VPS13C: variants seen among roughly 807,000 people sequenced by gnomAD.
VPS13C encodes vacuolar protein sorting 13 homolog C.
Under a neutral mutation model 456.8 loss-of-function variants are expected in VPS13C, and 358 were observed. That is an observed-to-expected ratio of 0.78 (90% CI 0.72 to 0.86). VPS13C has a LOEUF of 0.86. Ranked by LOEUF, VPS13C falls within the 40% of genes least tolerant of loss-of-function variation. The probability of loss-of-function intolerance (pLI) is 0.00; values close to 1 mark genes in which losing one functional copy is unlikely to be tolerated. For synonymous variants in VPS13C, 1,578 were observed against 1,486.7 expected (o/e 1.06, Z -1.41); for missense variants, 4,818 against 4,385.4 (o/e 1.10, Z -2.79).
chr15:61,927,482 T>C (rs1191800750), intron 51 of VPS13C, 162 bp from the exon 52 acceptor site: 1 of 602,436 alleles, frequency 1.7e-6, no homozygotes, highest in Non-Finnish European at 2.9e-6. Context: ...ATTAAATGAT[T>C]ATTAACAAAT....
chr15:61,860,153 T>A (rs1894141812), intron 82 of VPS13C, among the ~76,000 whole-genome samples: 1 of 151,974 alleles, frequency 6.6e-6, no homozygotes, highest in Non-Finnish European at 1.5e-5. Flanking sequence ...AAGACTAACA[T>A]ACCAATGAAA....
chr15:62,010,540 G>A lies in VPS13C; in HGVS notation c.943C>T (p.Leu315Phe). The A allele has an allele frequency of 6.2e-7, 1 of 1,613,472 alleles. No individual in the cohort carries two copies. The highest frequency in any genetic ancestry group is 8.5e-7 in the Non-Finnish European group (1 of 1,179,756). Residue 315 changes from leucine (L) to phenylalanine (F), a missense_variant, in exon 13 of 85, where the codon CTC becomes TTC. Leu to Phe is a conservative substitution (Grantham distance 22). This residue lies in a region of VPS13C where 4,552 missense variants were observed against 4,130.6 expected (regional missense o/e 1.10). Transcript: ENST00000644861. ...TTGCAATCCAGTTTGGGCGTTTTGA[G>A]CTCTGATTCTGCATAAGGATTCATG... is the stretch of plus-strand genomic sequence containing the variant. Reference protein sequence around the residue: ...LYMNPYAESELKTPKLDCNIE... With the variant: ...LYMNPYAESEFKTPKLDCNIE...
chr15:61,864,590 T>C, intron 81 of VPS13C: 1 of 972,948 alleles, frequency 1.0e-6, no homozygotes, highest in Non-Finnish European at 1.2e-6. Flanking sequence ...AGAAATCACA[T>C]TTGATATTAT....
In VPS13C at chr15:61,917,586, C is replaced by A; in HGVS notation, c.7810G>T (p.Glu2604Ter). The change falls in exon 60 of 85, where the codon GAA (glutamate) becomes TAA (stop). Residue 2604 changes from glutamate (E) to a stop codon, truncating the protein, a stop_gained. Transcript: ENST00000644861. LOFTEE classifies it high-confidence loss of function. ...PAGILEHQYK[E>*]STTYISWKEE... is the part of the protein sequence containing the mutation. Reference sequence around the variant, plus strand: ...TTCCAGGAAATATAAGTGGTAGATTCTTTGTACTGATGCTCTAAGATTCCA... The same window carrying A: ...TTCCAGGAAATATAAGTGGTAGATTATTTGTACTGATGCTCTAAGATTCCA... 1 of 1,613,856 alleles carries A rather than the reference C, an allele frequency of 6.2e-7. No individual in the cohort carries two copies. The highest frequency in any genetic ancestry group is 8.5e-7 in the Non-Finnish European group (1 of 1,179,830).
chr15:62,034,257 ATGT>A (rs952284438), intron 4 of VPS13C, among the ~76,000 whole-genome samples: 2 of 151,712 alleles, frequency 1.3e-5, no homozygotes, highest in Non-Finnish European at 3.0e-5. Context: ...GGCCAAGTCA[ATGT>A]TGTATATATA....
In VPS13C at chr15:61,927,148, A is replaced by G. The variant is rs200812869; in HGVS notation, c.6459T>C (p.Asp2153=). ...LEQMMEASVR[D]LKVLACPFLR... ...GAAAAGGGCAAGCGAGCACTTTCAG[A>G]TCTCTCACAGAAGCTTCCATCATCT... is the stretch of plus-strand genomic sequence containing the variant. Residue 2153 remains aspartate, a synonymous_variant, in exon 52 of 85, where the codon GAT becomes GAC. Coordinates refer to ENST00000644861, the MANE Select transcript of VPS13C (RefSeq NM_020821.3). 2.9e-5 allele frequency: 47 copies of G among 1,614,202 alleles called. No homozygotes were observed. The East Asian group carries it at 9.6e-4, about 33-fold the overall frequency.
intron 37 of VPS13C, among the ~76,000 whole-genome samples, chr15:61,954,868 T>C (rs12593844): frequency 0.52 from 78,343 of 151,866 alleles, 20,397 homozygotes; most frequent in Middle Eastern, 0.72. Context: ...TTAGAGGAGG[T>C]ATTATTCAAG....
chr15:61,909,124 T>G lies in VPS13C; in HGVS notation c.8846A>C (p.Asn2949Thr). Residue 2949 changes from asparagine (N) to threonine (T), a missense_variant and splice_region_variant, in exon 65 of 85, where the codon AAT (asparagine) becomes ACT (threonine). Transcript: ENST00000644861. Reference protein sequence around the residue: ...NGTLLSLEDLNGGILVDVNTA... With the variant: ...NGTLLSLEDLTGGILVDVNTA... ...GTTTACATCCACCAAGATACCCCCA[T>G]TCTATTGTAGAAAAAAAAAAAGTAT... The G allele has an allele frequency of 6.3e-7, 1 of 1,598,256 alleles. No homozygotes were observed. The highest frequency in any genetic ancestry group is 8.5e-7 in the Non-Finnish European group (1 of 1,172,928).
intron 9 of VPS13C, among the ~76,000 whole-genome samples, chr15:62,019,672 G>T (rs1006817213): frequency 1.3e-5 from 2 of 151,962 alleles, no homozygotes; most frequent in African/African-American, 4.8e-5. Flanking sequence ...TATAATTTCT[G>T]TTCTTTACAT....
chr15:61,895,824 T>C (rs1259152638), intron 66 of VPS13C, among the ~76,000 whole-genome samples: 1 of 152,072 alleles, frequency 6.6e-6, no homozygotes, highest in Non-Finnish European at 1.5e-5. Context: ...GAAGGGCGGA[T>C]AGGGAAAGAT....
At chr15:61,915,190 G>T (rs2140160273) in intron 61 of VPS13C, among the ~76,000 whole-genome samples, 1 of 152,300 alleles carries the variant, frequency 6.6e-6, no homozygotes, top group East Asian at 1.9e-4. Flanking sequence ...ATGTGAGCCT[G>T]AAGAGGAAAG....
intron 15 of VPS13C, among the ~76,000 whole-genome samples, chr15:62,001,403 T>C (rs988539666): frequency 1.3e-5 from 2 of 152,246 alleles, no homozygotes; most frequent in African/African-American, 4.8e-5. Flanking sequence ...TTTCACATTA[T>C]GAATCATTGC....
In VPS13C at chr15:62,030,816, C is replaced by T. The variant is rs151086416; in HGVS notation, c.386-2396G>A. The stretch of plus-strand genomic sequence containing the variant: ...TAGATTAATGACAGAATGTTAACAT[C>T]GCTAAAAAATATTACTAACTCAAAG... On this transcript the variant is annotated intron_variant, in intron 5 of 84. Coordinates refer to ENST00000644861, the MANE Select transcript of VPS13C (RefSeq NM_020821.3). Among the ~76,000 whole-genome samples the T allele has an allele frequency of 7.7e-4, 117 of 152,132 alleles. No individual in the cohort carries two copies. The Middle Eastern group carries it at 0.01, about 13-fold the overall frequency.
intron 81 of VPS13C, 64 bp from the exon 82 acceptor site, chr15:61,863,592 CATA>C: frequency 2.0e-6 from 2 of 1,008,306 alleles, no homozygotes; most frequent in Non-Finnish European, 3.0e-6. Context: ...TACAATACTG[CATA>C]TTAGCTAATT....
rs78334630 is a variant in VPS13C at position 61,906,947 on chromosome 15, T to C, written c.9105+317A>G. ...CATAGCCAAAAGTGGCATAGGTATG[T>C]TCAAAATAAAGTTGTTTTTAACTTA... On this transcript the variant is annotated intron_variant, in intron 66 of 84. Transcript: ENST00000644861. 267 of 282,472 alleles carry C rather than the reference T, an allele frequency of 9.5e-4. 5 individuals are homozygous for C. The East Asian group carries it at 0.024, about 25-fold the overall frequency. 17.5% of individuals were successfully genotyped at this position (282,472 alleles called of 1,614,324 possible). A position where few individuals can be genotyped will look rare whatever the true frequency, so the allele number is the denominator to read the frequency against.
At chr15:61,855,317 C>T (rs1893845255) in intron 83 of VPS13C, among the ~76,000 whole-genome samples, 3 of 152,074 alleles carry the variant, frequency 2.0e-5, no homozygotes, top group Admixed American at 2.0e-4. Context: ...ATGTAAAATA[C>T]ACTGAGTCAA....
Position 61,927,287 on chromosome 15 carries a change from G to A in VPS13C, c.6320C>T (p.Ala2107Val). 6.2e-7 allele frequency: 1 copy of A among 1,614,102 alleles called. No individual in the cohort carries two copies. Among genetic ancestry groups the A allele is most frequent in the Non-Finnish European group, 8.5e-7 (1 of 1,179,988 alleles). Residue 2107 changes from alanine (A) to valine (V), a missense_variant, in exon 52 of 85, where the codon GCC becomes GTC. By Grantham distance (64) the Ala-to-Val change is moderately conservative. This residue lies in a region of VPS13C where 4,552 missense variants were observed against 4,130.6 expected (regional missense o/e 1.10). Coordinates refer to ENST00000644861, the MANE Select transcript of VPS13C (RefSeq NM_020821.3). ...TACCACTTCTGGATCTGTGATCATGGCCTTTAAAGTCATATTTGGTCTAAC... is the reference window on the plus strand; with the variant it reads ...TACCACTTCTGGATCTGTGATCATGACCTTTAAAGTCATATTTGGTCTAAC... ...DSVRPNMTLK[A>V]MITDPEVVFV...
Position 62,000,575 on chromosome 15 carries a change from C to A in VPS13C, c.1342G>T (p.Ala448Ser). The A allele has an allele frequency of 6.2e-7, 1 of 1,607,404 alleles. No homozygotes were observed. The highest frequency in any genetic ancestry group is 8.5e-7 in the Non-Finnish European group (1 of 1,177,654). Residue 448 changes from alanine to serine, a missense_variant, in exon 16 of 85, where the codon GCA becomes TCA. By Grantham distance (99) the Ala-to-Ser change is moderately conservative. Around this residue, in one of 3 missense-constraint regions of VPS13C, gnomAD observed 4,552 missense variants for 4,130.6 expected, o/e 1.10. Transcript: ENST00000644861. Reference protein sequence around the residue: ...VFNIILARQQAQVEVIRSGQK... With the variant: ...VFNIILARQQSQVEVIRSGQK... Reference sequence around the variant, plus strand: ...ATAAAAATGATTACCTCAACTTGTGCTTGTTGCCTTGCTAAAATTATGTTA... The same window carrying A: ...ATAAAAATGATTACCTCAACTTGTGATTGTTGCCTTGCTAAAATTATGTTA...
rs1004439108 is a variant in VPS13C, at chr15:61,890,383, A to C, written c.9123T>G (p.Phe3041Leu). The change falls in exon 67 of 85, where the codon TTT becomes TTG. Residue 3041 changes from phenylalanine (F) to leucine (L), a missense_variant. By Grantham distance (22) the Phe-to-Leu change is conservative (BLOSUM62 0). Around this residue, in one of 3 missense-constraint regions of VPS13C, gnomAD observed 4,552 missense variants for 4,130.6 expected, o/e 1.10. Coordinates refer to ENST00000644861, the MANE Select transcript of VPS13C (RefSeq NM_020821.3). ...GTATCTGGATGTTTGCATCATATGG[A>C]AACTGTCCACATCCATCCTGGGAAG... ...HDLLKDGCGQFPYDANIQIHW... is the reference protein window; with the variant it reads ...HDLLKDGCGQLPYDANIQIHW... 1.7e-5 allele frequency: 28 copies of C among 1,613,950 alleles called. No homozygotes were observed. The highest frequency in any genetic ancestry group is 2.2e-5 in the Non-Finnish European group (26 of 1,180,002).
Sources: gnomAD v4.1 joint callset for allele counts (sites outside exome capture counted in the v4.1 genomes callset) on GRCh38, gnomAD v4.1.1 for gene constraint, gnomAD v4.1.1 regional missense constraint, MANE v1.5 for transcripts, NCBI Gene and HGNC (gene_info 2026-07-23, HGNC 2026-07-21) for gene names.